Variants in KAZN observed in about 807,000 individuals in gnomAD.
The protein encoded by KAZN is kazrin, periplakin interacting protein.
In KAZN, 40 loss-of-function variants were observed where a neutral mutation model predicts 87.4. The ratio of observed to expected loss-of-function variants is 0.46; its 90% confidence interval spans 0.36 to 0.60. The LOEUF (loss-of-function observed/expected upper bound fraction) is 0.60, where lower values mean the gene tolerates loss of function less well. Ranked by LOEUF, KAZN falls within the 20% of genes least tolerant of loss-of-function variation. The probability of loss-of-function intolerance (pLI) is 0.00; values close to 1 mark genes in which losing one functional copy is unlikely to be tolerated. For synonymous variants in KAZN, 466 were observed against 458.3 expected, an observed-to-expected ratio of 1.02 and a Z score of -0.22; for missense variants, 898 against 1,073.9, an observed-to-expected ratio of 0.84 and a Z score of 2.29.
At chr1:14,249,408 AC>A (rs1212484709) in intron 2 of KAZN, among the ~76,000 whole-genome samples, 3 of 152,366 alleles carry the variant, frequency 2.0e-5, no homozygotes, top group Middle Eastern at 6.8e-3. Flanking sequence ...TCGTCAACAA[AC>A]CCAAACTGGT....
At chr1:14,966,766 G>A in intron 2 of KAZN, among the ~76,000 whole-genome samples, 1 of 152,038 alleles carries the variant, frequency 6.6e-6, no homozygotes, top group Admixed American at 6.6e-5. Context: ...CCGTCTCCTG[G>A]GTTCAGACGA....
chr1:14,838,628 G>A (rs1647564393), intron 1 of KAZN, among the ~76,000 whole-genome samples: 1 of 152,090 alleles, frequency 6.6e-6, no homozygotes. Flanking sequence ...TTTTGTTTGT[G>A]AGGGGAAGGG....
At chr1:15,064,705 G>A (rs1001896312) in intron 7 of KAZN, among the ~76,000 whole-genome samples, 6 of 152,202 alleles carry the variant, frequency 3.9e-5, no homozygotes, top group Non-Finnish European at 2.9e-5. Context: ...CCAAGCCATT[G>A]CCTTCGGCTG....
At chr1:13,976,093 G>A (rs1056439197) in intron 1 of KAZN, among the ~76,000 whole-genome samples, 1 of 152,168 alleles carries the variant, frequency 6.6e-6, no homozygotes, top group African/African-American at 2.4e-5. Context: ...TACCCCATCT[G>A]TTCTGCTCTC....
chr1:14,590,184 A>T (rs946440711), intron 2 of KAZN, among the ~76,000 whole-genome samples: 1 of 152,152 alleles, frequency 6.6e-6, no homozygotes, highest in African/African-American at 2.4e-5. Context: ...GCAAAAAAAT[A>T]AATTACCCAT....
intron 1 of KAZN, among the ~76,000 whole-genome samples, chr1:13,999,894 T>C (rs1178521827): frequency 6.6e-6 from 1 of 152,086 alleles, no homozygotes; most frequent in Non-Finnish European, 1.5e-5. Context: ...AAATACAAAC[T>C]AGCATCAGAG....
rs1313740133 is a variant in KAZN at position 14,199,114 on chromosome 1, G to A, written c.249+18522G>A. ...CTGTATTTTGACTTGGGCAATCTGGGGTACTCCTTACTGACATTGCAAGTC... is the reference window on the plus strand; with the variant it reads ...CTGTATTTTGACTTGGGCAATCTGGAGTACTCCTTACTGACATTGCAAGTC... On this transcript the variant is annotated intron_variant, in intron 2 of 16. Coordinates refer to the KAZN transcript ENST00000636203. Among the ~76,000 whole-genome samples the A allele has an allele frequency of 2.0e-5, 3 of 152,096 alleles. No homozygotes were observed. The East Asian group carries it at 5.8e-4, about 29-fold the overall frequency.
intron 14 of KAZN, chr1:15,112,811 G>T (rs1557809471): frequency 2.9e-6 from 1 of 339,266 alleles, no homozygotes; most frequent in East Asian, 5.2e-5. Context: ...ATCACCTGGG[G>T]CTATTACTGA....
chr1:14,087,007 TAA>T (rs1643874095), intron 1 of KAZN, among the ~76,000 whole-genome samples: 1 of 152,206 alleles, frequency 6.6e-6, no homozygotes, highest in Non-Finnish European at 1.5e-5. Context: ...TTTGCTATTC[TAA>T]GTCCTTTGTG....
chr1:15,047,797 G>A (rs765166844), intron 4 of KAZN, among the ~76,000 whole-genome samples: 35 of 152,076 alleles, frequency 2.3e-4, no homozygotes, highest in African/African-American at 7.5e-4. Flanking sequence ...CCCCAGCTGC[G>A]GAGGTGGGGA....
At chr1:14,918,711 T>A (rs1206353005) in intron 1 of KAZN, among the ~76,000 whole-genome samples, 16 of 3,746 alleles carry the variant, frequency 4.3e-3, no homozygotes, top group East Asian at 0.029. Context: ...AAAAAAAATA[T>A]ATATATATAT....
intron 1 of KAZN, among the ~76,000 whole-genome samples, chr1:14,889,217 G>C (rs1219267579): frequency 6.6e-6 from 1 of 152,172 alleles, no homozygotes; most frequent in Non-Finnish European, 1.5e-5. Flanking sequence ...ATCTGCCATT[G>C]ATGGGAGAAA....
chr1:14,837,575 CAG>C (rs1366413564), intron 1 of KAZN, among the ~76,000 whole-genome samples: 2 of 117,126 alleles, frequency 1.7e-5, no homozygotes, highest in Non-Finnish European at 3.5e-5. Flanking sequence ...TTTTTTGAGA[CAG>C]GGTCTTGCTC....
At chr1:14,511,729 A>G (rs74059556) in intron 2 of KAZN, among the ~76,000 whole-genome samples, 11,146 of 152,236 alleles carry the variant, frequency 0.073, 811 homozygotes, top group African/African-American at 0.19. Context: ...TTATATGTGT[A>G]TCAAATATTT....
At chr1:14,338,800 T>C (rs1386201664) in intron 2 of KAZN, among the ~76,000 whole-genome samples, 1 of 152,214 alleles carries the variant, frequency 6.6e-6, no homozygotes, top group South Asian at 2.1e-4. Context: ...GACTTCTCAG[T>C]ACATAAGTGA....
intron 2 of KAZN, among the ~76,000 whole-genome samples, chr1:14,258,429 G>A (rs919443951): frequency 2.0e-5 from 3 of 147,266 alleles, no homozygotes; most frequent in Admixed American, 6.9e-5. Flanking sequence ...AGACCACGGG[G>A]TTTCACCGTG....
rs572557083 is a variant in KAZN at position 14,386,769 on chromosome 1, G to A, written c.249+206177G>A. Reference sequence around the variant, plus strand: ...ACATTTTTTCCTTCATTTCAACTTCGGTGAATCTGACAATTATGTGTCTTG... The same window carrying A: ...ACATTTTTTCCTTCATTTCAACTTCAGTGAATCTGACAATTATGTGTCTTG... On this transcript the variant is annotated intron_variant, in intron 2 of 16. Transcript: ENST00000636203. Among the ~76,000 whole-genome samples, 55 of 151,740 alleles carry A rather than the reference G, an allele frequency of 3.6e-4. No homozygotes were observed. In the East Asian group the frequency reaches 3.7e-3, roughly 10 times the overall value.
chr1:14,026,138 T>C (rs771026024), intron 1 of KAZN, among the ~76,000 whole-genome samples: 1 of 152,206 alleles, frequency 6.6e-6, no homozygotes, highest in Non-Finnish European at 1.5e-5. Flanking sequence ...TGATAATGTA[T>C]TAAATCTTCT....
Position 14,996,116 on chromosome 1 carries a change from G to A in KAZN, c.418+35241G>A, listed in dbSNP as rs534253818. ...TACCCTGCACAGCAGACGCGAGTGTGCATGTCAGTTTCCAGGCTATTTTCT... is the reference window on the plus strand; with the variant it reads ...TACCCTGCACAGCAGACGCGAGTGTACATGTCAGTTTCCAGGCTATTTTCT... On this transcript the variant is annotated intron_variant, in intron 2 of 14. Transcript: ENST00000376030. This position sits in a 1 kb window ranked among gnomAD's most constrained non-coding sequence, Gnocchi z 5.9. Among the ~76,000 whole-genome samples the A allele has an allele frequency of 6.6e-6, 1 of 152,132 alleles. No homozygotes were observed. Among genetic ancestry groups the A allele is most frequent in the Non-Finnish European group, 1.5e-5 (1 of 68,040 alleles).
Sources: allele counts gnomAD v4.1 joint callset (sites outside exome capture counted in the v4.1 genomes callset), GRCh38; gene constraint gnomAD v4.1.1; non-coding constraint Gnocchi (gnomAD v3.1); transcripts MANE v1.5; gene names NCBI Gene and HGNC (gene_info 2026-07-23, HGNC 2026-07-21).